The following RBBP8 variants were observed in gnomAD, a reference collection of about 807,000 sequenced individuals.
RBBP8 encodes the protein DNA endonuclease RBBP8.
A neutral mutation model predicts 108.3 loss-of-function variants in RBBP8; 88 were observed. The ratio of observed to expected loss-of-function variants is 0.81; its 90% CI spans 0.68 to 0.97. The LOEUF is 0.97. RBBP8 is among the 50% of genes least tolerant of loss of function. The pLI is 0.00. For synonymous variants in RBBP8, 332 were observed against 348.2 expected (o/e 0.95, Z 0.52); for missense variants, 1,023 against 1,049.0 (o/e 0.98, Z 0.34).
Position 22,968,895 on chromosome 18 carries a change from A to C in RBBP8, c.338A>C (p.Asn113Thr). ...GAGTTTGAAAATATCCGGCAGCAGA[A>C]TCTTAAACTTATTACAGAACTTAGT... ...QQEFENIRQQNLKLITELMNE... is the reference protein window; with the variant it reads ...QQEFENIRQQTLKLITELMNE... The change falls in exon 5 of 19, where the codon AAT becomes ACT. Residue 113 changes from asparagine (N) to threonine (T), a missense_variant. Asn to Thr is a moderately conservative substitution (Grantham distance 65). Coordinates refer to ENST00000327155, the MANE Select transcript of RBBP8 (RefSeq NM_002894.3). The C allele has an allele frequency of 6.2e-7, 1 of 1,612,070 alleles. No homozygotes were observed. The highest frequency in any genetic ancestry group is 8.5e-7 in the Non-Finnish European group (1 of 1,178,352).
At chr18:22,959,967 CTG>C (rs1912941574) in intron 4 of RBBP8, among the ~76,000 whole-genome samples, 1 of 149,660 alleles carries the variant, frequency 6.7e-6, no homozygotes, top group African/African-American at 2.5e-5. Flanking sequence ...TCTCAGCTCA[CTG>C]CAAGCTCCGC....
At chr18:22,968,770 T>G in intron 4 of RBBP8, 36 bp from the exon 5 acceptor site, 1 of 1,538,146 alleles carries the variant, frequency 6.5e-7, no homozygotes, top group Non-Finnish European at 9.0e-7. Flanking sequence ...GGAAATCTCT[T>G]TTAGTGGATG....
chr18:22,983,648 T>A (rs1371958804), intron 7 of RBBP8, among the ~76,000 whole-genome samples: 1 of 48,892 alleles, frequency 2.0e-5, no homozygotes, highest in Admixed American at 3.0e-4. Flanking sequence ...TCTGGTTTAT[T>A]TCTTCTTTGT....
Position 22,993,302 on chromosome 18 carries a change from A to T in RBBP8, c.1475A>T (p.Asp492Val). Residue 492 changes from aspartate (D) to valine (V), a missense_variant, in exon 11 of 19, where the codon GAT becomes GTT. Coordinates refer to ENST00000327155, the MANE Select transcript of RBBP8 (RefSeq NM_002894.3). The stretch of plus-strand genomic sequence containing the variant: ...GACTGTGTGATGGATAAACCTCTGG[A>T]TCTGTCTGATCGATTTTCAGCTATT... ...NGDCVMDKPL[D>V]LSDRFSAIQR... 6.2e-7 allele frequency: 1 copy of T among 1,614,228 alleles called. No homozygotes were observed. The highest frequency in any genetic ancestry group is 1.1e-5 in the South Asian group (1 of 91,088).
chr18:22,964,503 A>C (rs1913402229), intron 4 of RBBP8, among the ~76,000 whole-genome samples: 1 of 150,774 alleles, frequency 6.6e-6, no homozygotes, highest in Non-Finnish European at 1.5e-5. Flanking sequence ...TATTCTTTAT[A>C]TGATAGACCT....
intron 6 of RBBP8, among the ~76,000 whole-genome samples, chr18:22,975,959 A>G (rs1023743718): frequency 6.6e-6 from 1 of 152,150 alleles, no homozygotes; most frequent in Non-Finnish European, 1.5e-5. Context: ...ACTAACTTTT[A>G]GTTCCCATTT....
intron 4 of RBBP8, 121 bp from the exon 5 acceptor site, chr18:22,968,685 T>A: frequency 1.3e-6 from 1 of 745,948 alleles, no homozygotes; most frequent in South Asian, 1.5e-5. Context: ...ATAACATCAT[T>A]AATCTAGTTG....
chr18:22,952,454 C>T (rs1169456631), intron 4 of RBBP8, among the ~76,000 whole-genome samples: 1 of 152,138 alleles, frequency 6.6e-6, no homozygotes, highest in Non-Finnish European at 1.5e-5. Context: ...AAGCCAGGAA[C>T]ATAGGTCTTG....
intron 2 of RBBP8, among the ~76,000 whole-genome samples, chr18:22,938,453 CTAGGATTACAGGCG>C (rs1910771444): frequency 6.6e-6 from 1 of 152,182 alleles, no homozygotes. Flanking sequence ...TCCCAAACAG[CTAGGATTACAGGCG>C]TGAGCTGCGC....
At chr18:22,975,736 G>A (rs909197469) in intron 6 of RBBP8, among the ~76,000 whole-genome samples, 2 of 151,962 alleles carry the variant, frequency 1.3e-5, no homozygotes, top group Non-Finnish European at 2.9e-5. Context: ...ACTTTGCAAA[G>A]TAGTTTTATT....
chr18:22,955,951 T>A (rs1411968297), intron 4 of RBBP8, among the ~76,000 whole-genome samples: 2 of 152,214 alleles, frequency 1.3e-5, no homozygotes, highest in Non-Finnish European at 2.9e-5. Context: ...TATATTGTCT[T>A]AACTTTATTA....
intron 4 of RBBP8, among the ~76,000 whole-genome samples, chr18:22,960,065 T>C (rs1379670119): frequency 6.6e-6 from 1 of 151,938 alleles, no homozygotes; most frequent in East Asian, 1.9e-4. Flanking sequence ...CTAACTTTTT[T>C]ATATTTTTTC....
At chr18:23,019,764 T>TG (rs1366541986) in intron 17 of RBBP8, among the ~76,000 whole-genome samples, 1 of 149,168 alleles carries the variant, frequency 6.7e-6, no homozygotes. Context: ...TTTTATAATT[T>TG]TTTTTTTTTT....
rs747432448 is a variant in RBBP8 at position 22,990,987 on chromosome 18, G to A, written c.858G>A (p.Leu286=). Residue 286 remains leucine, a synonymous_variant, in exon 10 of 19, where the codon CTG becomes CTA. Coordinates refer to ENST00000327155, the MANE Select transcript of RBBP8 (RefSeq NM_002894.3). ...TTGGTGATGAGCTCTACCACTGTCT[G>A]GAAGGAAATCACAAGAAACAGCCTT... The part of the protein sequence containing the change: ...SPLGDELYHC[L]EGNHKKQPFE... The A allele has an allele frequency of 5.0e-6, 8 of 1,613,628 alleles. No individual in the cohort carries two copies. The highest frequency in any genetic ancestry group is 5.9e-6 in the Non-Finnish European group (7 of 1,179,804).
chr18:22,951,571 A>G (rs1255475587), intron 4 of RBBP8, among the ~76,000 whole-genome samples: 1 of 152,192 alleles, frequency 6.6e-6, no homozygotes, highest in Non-Finnish European at 1.5e-5. Flanking sequence ...AATTAATTCT[A>G]CAGCAGACAC....
At chr18:23,016,964 G>A (rs1158295743) in intron 17 of RBBP8, 40 bp downstream of exon 17, 2 of 1,364,588 alleles carry the variant, frequency 1.5e-6, no homozygotes, top group Admixed American at 3.4e-5. Context: ...TTTAAGTACG[G>A]CTTTATAGAT....
intron 3 of RBBP8, among the ~76,000 whole-genome samples, chr18:22,927,040 A>C (rs1401237893): frequency 1.3e-5 from 2 of 152,216 alleles, no homozygotes; most frequent in Non-Finnish European, 2.9e-5. Context: ...TAATTACTGT[A>C]AACAACTTTT....
chr18:22,977,957 T>C (rs995956095), intron 6 of RBBP8: 8 of 152,188 alleles, frequency 5.3e-5, no homozygotes, highest in Admixed American at 2.0e-4. Context: ...TTACTTCAAC[T>C]CTTCAAACTG....
At chr18:22,944,000 G>A (rs1028379753) in intron 2 of RBBP8, among the ~76,000 whole-genome samples, 18 of 152,162 alleles carry the variant, frequency 1.2e-4, no homozygotes, top group African/African-American at 4.1e-4. Flanking sequence ...TTCCTCAATA[G>A]GTATCTTAGG....
Sources: allele counts gnomAD v4.1 joint callset (sites outside exome capture counted in the v4.1 genomes callset), GRCh38; gene constraint gnomAD v4.1.1; transcripts MANE v1.5; gene names NCBI Gene and HGNC (gene_info 2026-07-23, HGNC 2026-07-21).